Variants in NEGR1 observed in about 807,000 individuals in gnomAD.
The protein encoded by NEGR1 is IgLON family member 4.
Under a neutral mutation model 40.9 loss-of-function variants are expected in NEGR1, and 10 were observed. That is an observed-to-expected ratio of 0.24 (90% CI 0.15 to 0.42). The LOEUF is 0.42. Among genes scored for constraint, NEGR1 ranks in the 10% least tolerant of loss-of-function variants. NEGR1 has a pLI of 1.00. For synonymous variants in NEGR1, 185 were observed against 166.8 expected, an observed-to-expected ratio of 1.11 and a Z score of -0.84; for missense variants, 352 against 438.9, an observed-to-expected ratio of 0.80 and a Z score of 1.77.
At chr1:72,168,086 A>G (rs557301317) in intron 1 of NEGR1, among the ~76,000 whole-genome samples, 2 of 151,418 alleles carry the variant, frequency 1.3e-5, no homozygotes, top group East Asian at 3.9e-4. Context: ...GCTAACTGCA[A>G]CCTCCACCTC....
At chr1:72,170,980 A>G (rs564666847) in intron 1 of NEGR1, among the ~76,000 whole-genome samples, 2 of 152,280 alleles carry the variant, frequency 1.3e-5, no homozygotes, top group African/African-American at 4.8e-5. Flanking sequence ...CCCCACTGTT[A>G]GATGAGACAG....
At chr1:71,596,342 G>C (rs1649713304) in intron 5 of NEGR1, among the ~76,000 whole-genome samples, 1 of 152,164 alleles carries the variant, frequency 6.6e-6, no homozygotes, top group South Asian at 2.1e-4. Context: ...TGAACCACAG[G>C]CTATTTGCTT....
At position 71,402,231 on chromosome 1, in the gene NEGR1, T is replaced by G; in HGVS notation, c.*5215A>C. ...CGTTTTCACCATCAATACATGACAA[T>G]AGTAATATTTTCTCCTTTAAGTATT... On this transcript the variant is annotated 3_prime_UTR_variant, in exon 7 of 7. Transcript: ENST00000357731. The G allele has an allele frequency of 6.6e-6, 1 of 152,118 alleles. No individual in the cohort carries two copies. Among genetic ancestry groups the G allele is most frequent in the Middle Eastern group, 3.2e-3 (1 of 316 alleles). The allele number at this position is 152,118 out of a possible 1,614,324, so 9.4% of individuals were successfully genotyped here.
intron 6 of NEGR1, among the ~76,000 whole-genome samples, chr1:71,494,703 G>A (rs1469895374): frequency 2.0e-5 from 3 of 152,044 alleles, no homozygotes; most frequent in African/African-American, 4.8e-5. Context: ...CGTCTTGTGG[G>A]GAGAATTCCC....
chr1:71,785,601 T>C (rs1255642056), intron 2 of NEGR1, among the ~76,000 whole-genome samples: 1 of 152,158 alleles, frequency 6.6e-6, no homozygotes, highest in Non-Finnish European at 1.5e-5. Flanking sequence ...GGTGGCCAGC[T>C]CCATTTGGAA....
intron 6 of NEGR1, among the ~76,000 whole-genome samples, chr1:71,531,764 C>A (rs1417755483): frequency 1.3e-5 from 2 of 151,304 alleles, no homozygotes; most frequent in African/African-American, 4.8e-5. Context: ...AAAAAGTATT[C>A]TATAATTTGA....
intron 6 of NEGR1, among the ~76,000 whole-genome samples, chr1:71,533,854 T>G (rs1239525480): frequency 6.6e-6 from 1 of 151,672 alleles, no homozygotes; most frequent in Non-Finnish European, 1.5e-5. Context: ...TCATAAGGAA[T>G]AAAGCAAATA....
At chr1:71,737,860 C>T (rs1268282264) in intron 3 of NEGR1, among the ~76,000 whole-genome samples, 2 of 152,024 alleles carry the variant, frequency 1.3e-5, no homozygotes, top group Non-Finnish European at 2.9e-5. Flanking sequence ...TCTTTGTGAC[C>T]CAATTTTAGG....
At chr1:71,781,720 C>A (rs1223817758) in intron 2 of NEGR1, among the ~76,000 whole-genome samples, 1 of 152,170 alleles carries the variant, frequency 6.6e-6, no homozygotes, top group Non-Finnish European at 1.5e-5. Context: ...TAGGGGAGTG[C>A]ACCGAATGCC....
intron 3 of NEGR1, 80 bp from the exon 4 acceptor site, chr1:71,698,219 A>G: frequency 8.1e-7 from 1 of 1,233,092 alleles, no homozygotes; most frequent in Non-Finnish European, 1.1e-6. Context: ...ATGACTTCCT[A>G]CAAGATACTG....
At chr1:71,690,614 G>GAGAGAGAGAGAGA (rs1653236234) in intron 4 of NEGR1, among the ~76,000 whole-genome samples, 2 of 21,852 alleles carry the variant, frequency 9.2e-5, no homozygotes, top group South Asian at 4.4e-3. Flanking sequence ...ATATATAGAG[G>GAGAGAGAGAGAGA]GAGACAGAGA....
chr1:72,158,770 A>G (rs1215359970), intron 1 of NEGR1, among the ~76,000 whole-genome samples: 1 of 152,192 alleles, frequency 6.6e-6, no homozygotes, highest in Non-Finnish European at 1.5e-5. Context: ...ATGAATAATA[A>G]AACTTATGAT....
At chr1:71,473,903 A>C (rs1459127595) in intron 6 of NEGR1, among the ~76,000 whole-genome samples, 1 of 152,076 alleles carries the variant, frequency 6.6e-6, no homozygotes, top group Non-Finnish European at 1.5e-5. Context: ...TAAGAAAAAA[A>C]AATTTTGGAA....
intron 2 of NEGR1, among the ~76,000 whole-genome samples, chr1:71,901,432 G>C (rs1462805875): frequency 6.6e-6 from 1 of 152,022 alleles, no homozygotes; most frequent in Admixed American, 6.6e-5. Context: ...GGGCTATTTT[G>C]TATATTGCTG....
intron 1 of NEGR1, among the ~76,000 whole-genome samples, chr1:71,995,791 C>A (rs1488147017): frequency 2.0e-5 from 3 of 152,174 alleles, no homozygotes; most frequent in Non-Finnish European, 4.4e-5. Flanking sequence ...ATCACTCCAT[C>A]AGTCACCAAT....
intron 2 of NEGR1, among the ~76,000 whole-genome samples, chr1:71,905,539 A>G (rs1161822892): frequency 6.6e-6 from 1 of 152,086 alleles, no homozygotes; most frequent in East Asian, 1.9e-4. Context: ...AAAATAAAAC[A>G]TCGTGAAGAT....
chr1:71,880,839 T>A (rs984927374), intron 2 of NEGR1, among the ~76,000 whole-genome samples: 5 of 152,058 alleles, frequency 3.3e-5, no homozygotes, highest in Non-Finnish European at 5.9e-5. Flanking sequence ...CAATATGGAA[T>A]ATACAGGGGA....
chr1:72,241,443 T>C (rs1036661921), intron 1 of NEGR1, among the ~76,000 whole-genome samples: 2 of 151,452 alleles, frequency 1.3e-5, no homozygotes, highest in Non-Finnish European at 3.0e-5. Context: ...TTTTGACCAT[T>C]AGAGGTCAAA....
chr1:71,903,968 C>T (rs1043128251), intron 2 of NEGR1, among the ~76,000 whole-genome samples: 1 of 151,866 alleles, frequency 6.6e-6, no homozygotes, highest in Non-Finnish European at 1.5e-5. Flanking sequence ...TTCTTTCATT[C>T]AATAACAATT....
Sources: allele counts gnomAD v4.1 joint callset (sites outside exome capture counted in the v4.1 genomes callset), GRCh38; gene constraint gnomAD v4.1.1; transcripts MANE v1.5; gene names NCBI Gene and HGNC (gene_info 2026-07-23, HGNC 2026-07-21).